The following ADARB2 variants were observed in gnomAD, a reference collection of about 807,000 sequenced individuals.
The protein encoded by ADARB2 is inactive double-stranded RNA-specific editase B2.
ADARB2 carries 25 observed loss-of-function variants against 62.2 expected under a neutral mutation model. The ratio of observed to expected loss-of-function variants is 0.40; its 90% CI spans 0.29 to 0.56. The LOEUF (loss-of-function observed/expected upper bound fraction) is 0.56, where lower values mean the gene tolerates loss of function less well. Ranked by LOEUF, ADARB2 falls within the 20% of genes least tolerant of loss-of-function variation. The pLI, the probability that ADARB2 is intolerant of heterozygous loss-of-function variation, is 0.43. For missense variants in ADARB2, 1,071 were observed against 1,077.4 expected, an observed-to-expected ratio of 0.99 and a Z score of 0.08; for synonymous variants, 572 against 500.8, an observed-to-expected ratio of 1.14 and a Z score of -1.90.
At chr10:1,272,125 G>T (rs902122475) in intron 3 of ADARB2, among the ~76,000 whole-genome samples, 1 of 152,140 alleles carries the variant, frequency 6.6e-6, no homozygotes, top group Non-Finnish European at 1.5e-5. Flanking sequence ...ATCTCCCCCA[G>T]TCACCACAGG....
At chr10:1,727,169 G>A (rs1040852839) in intron 1 of ADARB2, among the ~76,000 whole-genome samples, 20 of 152,202 alleles carry the variant, frequency 1.3e-4, no homozygotes, top group African/African-American at 4.8e-4. Context: ...GCATGTATTC[G>A]TGGTATGCGG....
chr10:1,328,069 C>T (rs1245022045), intron 3 of ADARB2, among the ~76,000 whole-genome samples: 3 of 138,344 alleles, frequency 2.2e-5, no homozygotes, highest in Non-Finnish European at 4.9e-5. Flanking sequence ...GCGAGGAAGC[C>T]TTACAGTAAC....
intron 1 of ADARB2, among the ~76,000 whole-genome samples, chr10:1,674,533 C>T (rs991178893): frequency 1.3e-5 from 2 of 152,138 alleles, no homozygotes; most frequent in African/African-American, 4.8e-5. Flanking sequence ...TAGTCACGAT[C>T]GTGATTTGAT....
chr10:1,589,571 G>T (rs993077545), intron 1 of ADARB2, among the ~76,000 whole-genome samples: 1 of 152,214 alleles, frequency 6.6e-6, no homozygotes, highest in Non-Finnish European at 1.5e-5. Flanking sequence ...CATGGGCCCC[G>T]CCTCTTTGGC....
At chr10:1,389,782 A>C (rs1204463175) in intron 1 of ADARB2, among the ~76,000 whole-genome samples, 1 of 149,914 alleles carries the variant, frequency 6.7e-6, no homozygotes, top group African/African-American at 2.5e-5. Flanking sequence ...TAAATAAATA[A>C]ATAATAAATA....
At position 1,293,157 on chromosome 10, in the gene ADARB2, G is replaced by C. The variant is rs543795905; in HGVS notation, c.1078-22088C>G. Among the ~76,000 whole-genome samples, 415 of 80,476 alleles carry C rather than the reference G, an allele frequency of 5.2e-3. 5 individuals are homozygous for C. The highest frequency in any genetic ancestry group is 0.017 in the African/African-American group (394 of 22,600). 52.8% of individuals were successfully genotyped at this position (80,476 alleles called of 152,430 possible). On this transcript the variant is annotated intron_variant, in intron 3 of 9. Coordinates refer to ENST00000381312, the MANE Select transcript of ADARB2 (RefSeq NM_018702.4). ...GGAAGGAAAGAGAGAGGGAGAGGGA[G>C]GGTAAGAAGGGGGGAGAGGGGGAGA...
intron 1 of ADARB2, chr10:1,675,533 G>A (rs1390416481): frequency 3.1e-6 from 3 of 966,300 alleles, no homozygotes; most frequent in East Asian, 2.3e-4. Context: ...TGTTCAGGAG[G>A]TTTGGGTTTG....
intron 3 of ADARB2, chr10:1,292,835 C>G (rs999414106): frequency 6.6e-6 from 1 of 152,060 alleles, no homozygotes; most frequent in African/African-American, 2.4e-5. Context: ...AGAGAAAGCT[C>G]CTTGTTCGAG....
chr10:1,380,956 C>G (rs1353003059), intron 1 of ADARB2, among the ~76,000 whole-genome samples: 1 of 152,172 alleles, frequency 6.6e-6, no homozygotes, highest in Non-Finnish European at 1.5e-5. Flanking sequence ...CACAAAAATG[C>G]ACTAAACTAT....
At chr10:1,519,724 A>T (rs1247424760) in intron 1 of ADARB2, among the ~76,000 whole-genome samples, 1 of 152,172 alleles carries the variant, frequency 6.6e-6, no homozygotes, top group Non-Finnish European at 1.5e-5. Flanking sequence ...TGGCCATGGC[A>T]CAGTTAGCAA....
intron 1 of ADARB2, among the ~76,000 whole-genome samples, chr10:1,450,745 C>A (rs2131901486): frequency 6.6e-6 from 1 of 152,346 alleles, no homozygotes; most frequent in South Asian, 2.1e-4. Flanking sequence ...GAAGCCCCTG[C>A]TTGCATGGGG....
chr10:1,709,070 TG>T (rs373430140), intron 1 of ADARB2, among the ~76,000 whole-genome samples: 231 of 152,282 alleles, frequency 1.5e-3, no homozygotes, highest in African/African-American at 4.8e-3. Flanking sequence ...CTGACCCCAT[TG>T]ATCTAAACTA....
chr10:1,363,491 C>T lies in ADARB2; in HGVS notation c.614G>A (p.Gly205Asp), dbSNP rs369013795. The part of the protein sequence containing the change: ...ACQAHLAMGG[G>D]PGPGTDFTSD... ...GGTGAAGTCCGTGCCGGGGCCCGGG[C>T]CCCCGCCCATGGCCAGGTGCGCCTG... is the stretch of plus-strand genomic sequence containing the variant. Residue 205 changes from glycine (G) to aspartate (D), a missense_variant, in exon 3 of 10, where the codon GGC (glycine) becomes GAC (aspartate). Physicochemically the swap from Gly to Asp is moderately conservative, Grantham distance 94 (BLOSUM62 -1). Transcript: ENST00000381312. 27 of 1,511,220 alleles carry T rather than the reference C, an allele frequency of 1.8e-5. No homozygotes were observed. In the Middle Eastern group the frequency reaches 5.3e-4, roughly 30 times the overall value. The allele number at this position is 1,511,220 out of a possible 1,614,324, so 93.6% of individuals were successfully genotyped here. A position where few individuals can be genotyped will look rare whatever the true frequency, so the allele number is the denominator to read the frequency against.
chr10:1,421,948 G>T (rs539227778), intron 1 of ADARB2, among the ~76,000 whole-genome samples: 18 of 152,322 alleles, frequency 1.2e-4, no homozygotes, highest in African/African-American at 4.1e-4. Context: ...GTTATTTGAA[G>T]AGAATACAGA....
intron 1 of ADARB2, among the ~76,000 whole-genome samples, chr10:1,593,158 C>T (rs1833283659): frequency 8.7e-6 from 1 of 115,558 alleles, no homozygotes; most frequent in African/African-American, 3.5e-5. Context: ...AGCCACGCTC[C>T]ATCGGTCTCC....
At chr10:1,258,698 T>C (rs750274003) in intron 4 of ADARB2, among the ~76,000 whole-genome samples, 14 of 152,268 alleles carry the variant, frequency 9.2e-5, no homozygotes, top group South Asian at 8.3e-4. Flanking sequence ...ACAATAATAA[T>C]GGGAGACTTT....
chr10:1,546,706 T>A (rs529173367), intron 1 of ADARB2, among the ~76,000 whole-genome samples: 3 of 152,244 alleles, frequency 2.0e-5, no homozygotes, highest in Non-Finnish European at 4.4e-5. Flanking sequence ...TAATGATGTT[T>A]AGGAGATCAC....
At chr10:1,490,152 AG>A (rs1292506001) in intron 1 of ADARB2, among the ~76,000 whole-genome samples, 1 of 152,206 alleles carries the variant, frequency 6.6e-6, no homozygotes, top group East Asian at 1.9e-4. Flanking sequence ...TAGGAGAAGA[AG>A]CAAGCCTAAC....
At chr10:1,479,345 C>T (rs1243295424) in intron 1 of ADARB2, among the ~76,000 whole-genome samples, 2 of 152,146 alleles carry the variant, frequency 1.3e-5, no homozygotes, top group Non-Finnish European at 2.9e-5. Context: ...AGCAGATCAC[C>T]CATGACACGT....
Sources: gnomAD v4.1 joint callset for allele counts (sites outside exome capture counted in the v4.1 genomes callset) on GRCh38, gnomAD v4.1.1 for gene constraint, MANE v1.5 for transcripts, NCBI Gene and HGNC (gene_info 2026-07-23, HGNC 2026-07-21) for gene names.